The following STAG1 variants were observed in gnomAD, a reference collection of about 807,000 sequenced individuals.
STAG1 encodes cohesin subunit SA-1.
Under a neutral mutation model 170.9 loss-of-function variants are expected in STAG1, and 26 were observed. The observed-to-expected ratio is 0.15, with a 90% CI of 0.11 to 0.21. STAG1 has a LOEUF of 0.21. STAG1 is among the 10% of genes least tolerant of loss of function. STAG1 has a pLI of 1.00. For missense variants in STAG1, 964 were observed against 1,509.5 expected, an observed-to-expected ratio of 0.64 and a Z score of 5.99; for synonymous variants, 514 against 497.7, an observed-to-expected ratio of 1.03 and a Z score of -0.44.
intron 1 of STAG1, among the ~76,000 whole-genome samples, chr3:136,732,931 T>C (rs1486348105): frequency 3.9e-5 from 6 of 151,948 alleles, no homozygotes; most frequent in Non-Finnish European, 7.4e-5. Context: ...TTTAATCTAT[T>C]GCTAGCCCTA....
chr3:136,617,985 C>T (rs1029380925), intron 3 of STAG1, among the ~76,000 whole-genome samples: 29 of 152,204 alleles, frequency 1.9e-4, no homozygotes, highest in African/African-American at 7.0e-4. Flanking sequence ...CATTCTCCAT[C>T]TTCTATGTAT....
intron 1 of STAG1, among the ~76,000 whole-genome samples, chr3:136,715,002 TA>T (rs1292762102): frequency 3.6e-5 from 4 of 111,128 alleles, no homozygotes; most frequent in African/African-American, 5.9e-5. Context: ...TTTATATATA[TA>T]ATATATATAT....
rs1264488477 is a variant in STAG1 at position 136,452,128 on chromosome 3, G to A, written c.1333C>T (p.Pro445Ser). ...TTTGCTAATGCTTCTTCTGCTTGTGGGTCATGTCTGCTAAATAGCCTGGAA... is the reference window on the plus strand; with the variant it reads ...TTTGCTAATGCTTCTTCTGCTTGTGAGTCATGTCTGCTAAATAGCCTGGAA... Reference protein sequence around the residue: ...LHKKLFSRHDPQAEEALAKRR... With the variant: ...LHKKLFSRHDSQAEEALAKRR... The change falls in exon 14 of 34, where the codon CCA (proline) becomes TCA (serine). Residue 445 changes from proline to serine, a missense_variant. By Grantham distance (74) the Pro-to-Ser change is moderately conservative (BLOSUM62 -1). Coordinates refer to ENST00000383202, the MANE Select transcript of STAG1 (RefSeq NM_005862.3). The A allele has an allele frequency of 6.2e-7, 1 of 1,612,614 alleles. No homozygotes were observed. The highest frequency in any genetic ancestry group is 8.5e-7 in the Non-Finnish European group (1 of 1,179,482).
intron 15 of STAG1, among the ~76,000 whole-genome samples, chr3:136,439,111 G>A (rs939379682): frequency 6.1e-5 from 9 of 147,370 alleles, no homozygotes; most frequent in Admixed American, 3.5e-4. Flanking sequence ...CATGAGAATC[G>A]CTTGAACCTG....
At chr3:136,610,618 T>C (rs930322526) in intron 3 of STAG1, among the ~76,000 whole-genome samples, 6 of 152,198 alleles carry the variant, frequency 3.9e-5, no homozygotes, top group African/African-American at 1.4e-4. Flanking sequence ...GGAAAGTCAC[T>C]GGAATAACTT....
At chr3:136,600,781 C>G (rs1938625957) in intron 4 of STAG1, among the ~76,000 whole-genome samples, 1 of 152,166 alleles carries the variant, frequency 6.6e-6, no homozygotes, top group African/African-American at 2.4e-5. Flanking sequence ...GATCTGCCCG[C>G]CTGGGCCTCC....
chr3:136,707,062 C>A (rs1254114970), intron 1 of STAG1, among the ~76,000 whole-genome samples: 1 of 152,134 alleles, frequency 6.6e-6, no homozygotes, highest in Non-Finnish European at 1.5e-5. Context: ...CAAAATGGAT[C>A]AGTGGCCTAA....
chr3:136,384,867 A>G (rs569735094), intron 22 of STAG1, among the ~76,000 whole-genome samples: 1 of 152,326 alleles, frequency 6.6e-6, no homozygotes, highest in South Asian at 2.1e-4. Flanking sequence ...AGACACTGAA[A>G]AAGAATAATA....
At chr3:136,468,807 C>A (rs1006126632) in intron 12 of STAG1, among the ~76,000 whole-genome samples, 1 of 152,198 alleles carries the variant, frequency 6.6e-6, no homozygotes, top group African/African-American at 2.4e-5. Flanking sequence ...TTGGCTTCAT[C>A]CCTGGGATGC....
At chr3:136,651,217 T>C (rs1941205882) in intron 1 of STAG1, among the ~76,000 whole-genome samples, 1 of 151,822 alleles carries the variant, frequency 6.6e-6, no homozygotes, top group African/African-American at 2.4e-5. Context: ...ATAAACAAAA[T>C]TATCCCACTG....
rs901717784 is a variant in STAG1 at position 136,337,302 on chromosome 3, G to T, written c.*952C>A. The T allele has an allele frequency of 6.6e-6, 1 of 152,490 alleles. No homozygotes were observed. Among genetic ancestry groups the T allele is most frequent in the African/African-American group, 2.4e-5 (1 of 41,442 alleles). 9.4% of individuals were successfully genotyped at this position (152,490 alleles called of 1,614,324 possible). A position where few individuals can be genotyped will look rare whatever the true frequency, so the allele number is the denominator to read the frequency against. ...AATGATTGATAAAGGATTTCTTCAT[G>T]ATTGATTATCTTAAGAAAATGGAAG... On this transcript the variant is annotated 3_prime_UTR_variant, in exon 34 of 34. Coordinates refer to ENST00000383202, the MANE Select transcript of STAG1 (RefSeq NM_005862.3).
intron 6 of STAG1, among the ~76,000 whole-genome samples, chr3:136,538,424 TTTTC>T (rs1167875506): frequency 4.0e-5 from 6 of 151,386 alleles, no homozygotes; most frequent in Middle Eastern, 3.4e-3. Context: ...TTTTTTTTTT[TTTTC>T]TTTTTTGAGA....
intron 21 of STAG1, among the ~76,000 whole-genome samples, chr3:136,411,872 G>T (rs2087633328): frequency 6.6e-6 from 1 of 152,000 alleles, no homozygotes; most frequent in Non-Finnish European, 1.5e-5. Flanking sequence ...TTGAACCCGG[G>T]AGGCGGAGGT....
At chr3:136,524,427 A>G (rs1934879012) in intron 6 of STAG1, among the ~76,000 whole-genome samples, 2 of 152,076 alleles carry the variant, frequency 1.3e-5, no homozygotes, top group East Asian at 1.9e-4. Context: ...AATGCTTGTG[A>G]TTTTTCCACA....
Position 136,472,418 on chromosome 3 carries a change from T to C in STAG1, c.1200A>G (p.Ile400Met). ...TAGTAATGGATATTACTTACTGAAG[T>C]ATCAGAGTAACCAATCGAATAGCTT... ...AVEAIRLVTL[I>M]LHGSEEALSN... Residue 400 changes from isoleucine to methionine, a missense_variant, in exon 12 of 34, where the codon ATA becomes ATG. By Grantham distance (10) the Ile-to-Met change is conservative. Transcript: ENST00000383202. 1 of 1,608,904 alleles carries C rather than the reference T, an allele frequency of 6.2e-7. No individual in the cohort carries two copies. The highest frequency in any genetic ancestry group is 8.5e-7 in the Non-Finnish European group (1 of 1,176,046).
intron 20 of STAG1, among the ~76,000 whole-genome samples, chr3:136,420,400 T>C (rs1023230068): frequency 6.6e-6 from 1 of 152,190 alleles, no homozygotes; most frequent in Non-Finnish European, 1.5e-5. Flanking sequence ...GGTCTGCCTA[T>C]TGCCCAGGCT....
At chr3:136,560,044 G>GA (rs112265946) in intron 5 of STAG1, among the ~76,000 whole-genome samples, 70 of 152,238 alleles carry the variant, frequency 4.6e-4, no homozygotes, top group African/African-American at 8.7e-4. Flanking sequence ...CAGGTGCCAT[G>GA]AAAAAATCAC....
At chr3:136,732,548 C>T (rs779995960) in intron 1 of STAG1, among the ~76,000 whole-genome samples, 10 of 152,136 alleles carry the variant, frequency 6.6e-5, no homozygotes, top group Non-Finnish European at 1.3e-4. Context: ...AAGCAGAACA[C>T]GCTGGTGATA....
At chr3:136,649,445 C>T (rs1383056170) in intron 1 of STAG1, among the ~76,000 whole-genome samples, 1 of 147,172 alleles carries the variant, frequency 6.8e-6, no homozygotes, top group Non-Finnish European at 1.5e-5. Context: ...CGCCACTGTA[C>T]TCCAGCCTGG....
Sources: gnomAD v4.1 joint callset for allele counts (sites outside exome capture counted in the v4.1 genomes callset) on GRCh38, gnomAD v4.1.1 for gene constraint, MANE v1.5 for transcripts, NCBI Gene and HGNC (gene_info 2026-07-23, HGNC 2026-07-21) for gene names.